CCDC63: variants seen among roughly 807,000 people sequenced by gnomAD.
CCDC63 encodes the protein coiled-coil domain containing 63.
CCDC63 carries 54 observed loss-of-function variants against 63.6 expected under a neutral mutation model. The ratio of observed to expected loss-of-function variants is 0.85; its 90% CI spans 0.68 to 1.07. The LOEUF (loss-of-function observed/expected upper bound fraction) is 1.07, where lower values mean the gene tolerates loss of function less well. Among genes scored for constraint, CCDC63 ranks in the 50% least tolerant of loss-of-function variants. The pLI is 0.00. For synonymous variants in CCDC63, 253 were observed against 266.1 expected (o/e 0.95, Z 0.48); for missense variants, 637 against 689.6 (o/e 0.92, Z 0.86).
At chr12:110,850,348 G>A (rs1157809464) in intron 1 of CCDC63, among the ~76,000 whole-genome samples, 2 of 152,210 alleles carry the variant, frequency 1.3e-5, no homozygotes, top group Non-Finnish European at 2.9e-5. Context: ...AGCCCTGGTT[G>A]GGCAGCTAAC....
upstream of CCDC63, among the ~76,000 whole-genome samples, chr12:110,844,758 G>A (rs552791859): frequency 6.6e-5 from 10 of 152,318 alleles, no homozygotes; most frequent in African/African-American, 2.2e-4. Context: ...GCTCAATGGG[G>A]AAGGACTGTT....
chr12:110,869,140 C>T (rs1311982462), intron 4 of CCDC63, among the ~76,000 whole-genome samples: 2 of 152,170 alleles, frequency 1.3e-5, no homozygotes, highest in Non-Finnish European at 2.9e-5. Context: ...ATTCACCAGC[C>T]CAGGCTCTGC....
chr12:110,857,943 TA>T (rs1327784799), intron 3 of CCDC63, among the ~76,000 whole-genome samples: 7 of 151,804 alleles, frequency 4.6e-5, no homozygotes, highest in Non-Finnish European at 2.9e-5. Flanking sequence ...CCGTCTCTAC[TA>T]AAAATACAAA....
At chr12:110,872,111 A>G (rs1271280883) in intron 4 of CCDC63, among the ~76,000 whole-genome samples, 1 of 152,182 alleles carries the variant, frequency 6.6e-6, no homozygotes, top group African/African-American at 2.4e-5. Flanking sequence ...TCCTCATCTG[A>G]CTTACCTAGA....
At chr12:110,854,496 C>T (rs1449973892) in intron 3 of CCDC63, among the ~76,000 whole-genome samples, 3 of 151,946 alleles carry the variant, frequency 2.0e-5, no homozygotes, top group East Asian at 1.9e-4. Flanking sequence ...GATTTCACCA[C>T]GTTGGCCAGG....
At chr12:110,852,022 C>T (rs1566113654) in intron 1 of CCDC63, among the ~76,000 whole-genome samples, 1 of 152,172 alleles carries the variant, frequency 6.6e-6, no homozygotes, top group South Asian at 2.1e-4. Context: ...CTTTTGGAAC[C>T]CAGCTCCTGC....
At chr12:110,899,741 C>T (rs2071464235) in intron 10 of CCDC63, among the ~76,000 whole-genome samples, 1 of 149,960 alleles carries the variant, frequency 6.7e-6, no homozygotes, top group African/African-American at 2.5e-5. Flanking sequence ...CCTCATAAGA[C>T]TGTTGGGAGG....
intron 4 of CCDC63, among the ~76,000 whole-genome samples, chr12:110,872,699 C>T (rs2071082420): frequency 6.6e-6 from 1 of 152,126 alleles, no homozygotes; most frequent in Non-Finnish European, 1.5e-5. Flanking sequence ...AATCATGGCT[C>T]ACTGCAGCTT....
At chr12:110,850,400 G>A (rs576876107) in intron 1 of CCDC63, among the ~76,000 whole-genome samples, 2 of 152,230 alleles carry the variant, frequency 1.3e-5, no homozygotes, top group African/African-American at 4.8e-5. Context: ...CTGTTGGGGA[G>A]GCAATGAACT....
At chr12:110,856,091 T>C (rs984425653) in intron 3 of CCDC63, among the ~76,000 whole-genome samples, 2 of 150,146 alleles carry the variant, frequency 1.3e-5, no homozygotes, top group Non-Finnish European at 3.0e-5. Context: ...TTTTTTCTTT[T>C]TTTTTTTTTT....
intron 4 of CCDC63, among the ~76,000 whole-genome samples, chr12:110,859,018 G>T (rs113945414): frequency 0.056 from 8,499 of 152,138 alleles, 480 homozygotes; most frequent in African/African-American, 0.15. Context: ...CTGCTGCACC[G>T]TGAATAAACC....
chr12:110,900,086 C>T (rs577821648), intron 10 of CCDC63, among the ~76,000 whole-genome samples: 48 of 151,940 alleles, frequency 3.2e-4, no homozygotes, highest in African/African-American at 1.1e-3. Context: ...TGGTGGTGTA[C>T]ACTGTAGTCC....
At chr12:110,867,907 C>T (rs1253150010) in intron 4 of CCDC63, among the ~76,000 whole-genome samples, 31 of 145,016 alleles carry the variant, frequency 2.1e-4, no homozygotes, top group South Asian at 4.4e-4. Flanking sequence ...GGGTGGCTGC[C>T]AGGCGGAGAG....
At position 110,898,658 on chromosome 12, in the gene CCDC63, GAC is replaced by G. The variant is rs1317413131; in HGVS notation, c.1150-269_1150-268del. ...AAATTCGTAATCCTGTAGACATGTA[GAC>G]ACACATAGACAAGTAAGTGAAGCAA... On this transcript the variant is annotated intron_variant, in intron 9 of 11. Transcript: ENST00000308208. Among the ~76,000 whole-genome samples, 3 of 151,292 alleles carry G rather than the reference GAC, an allele frequency of 2.0e-5. No individual in the cohort carries two copies. The East Asian group carries it at 5.8e-4, about 29-fold the overall frequency.
chr12:110,862,751 CTTTTCTTTTTT>C (rs1241078792), intron 4 of CCDC63, among the ~76,000 whole-genome samples: 3 of 151,042 alleles, frequency 2.0e-5, no homozygotes, highest in South Asian at 2.1e-4. Context: ...TTTTCTTTTT[CTTTTCTTTTTT>C]TTTTTCTTTT....
At chr12:110,899,187 G>A (rs990371285) in intron 10 of CCDC63, 62 bp downstream of exon 10, 2 of 1,451,718 alleles carry the variant, frequency 1.4e-6, no homozygotes, top group Non-Finnish European at 1.9e-6. Context: ...CTGTGACTGA[G>A]CATAAGGCCT....
intron 1 of CCDC63, among the ~76,000 whole-genome samples, chr12:110,847,624 AAAAAC>A (rs1239344601): frequency 2.0e-5 from 3 of 152,192 alleles, no homozygotes; most frequent in Non-Finnish European, 4.4e-5. Flanking sequence ...TTAAAAAACA[AAAAAC>A]AAAACAAACA....
At chr12:110,847,528 C>T (rs2070653372) in intron 1 of CCDC63, among the ~76,000 whole-genome samples, 1 of 150,730 alleles carries the variant, frequency 6.6e-6, no homozygotes, top group Non-Finnish European at 1.5e-5. Flanking sequence ...GCACGCTAGC[C>T]TGGGTGACAG....
chr12:110,885,198 G>C (rs2071264022), intron 8 of CCDC63, among the ~76,000 whole-genome samples: 1 of 151,714 alleles, frequency 6.6e-6, no homozygotes, highest in African/African-American at 2.4e-5. Flanking sequence ...AAAAGAGAGA[G>C]AGAGAAATAT....
Sources: gnomAD v4.1 joint callset for allele counts (sites outside exome capture counted in the v4.1 genomes callset) on GRCh38, gnomAD v4.1.1 for gene constraint, MANE v1.5 for transcripts, NCBI Gene and HGNC (gene_info 2026-07-23, HGNC 2026-07-21) for gene names.